RGS8: variants seen among roughly 807,000 people sequenced by gnomAD.
The protein encoded by RGS8 is regulator of G protein signaling 8.
A neutral mutation model predicts 21.7 loss-of-function variants in RGS8; 8 were observed. That is an observed-to-expected ratio of 0.37 (90% confidence interval 0.22 to 0.66). The LOEUF is 0.66. RGS8 is among the 30% of genes least tolerant of loss of function. The pLI is 0.59. For missense variants in RGS8, 157 were observed against 217.9 expected (o/e 0.72, Z 1.76); for synonymous variants, 80 against 83.6 (o/e 0.96, Z 0.24).
the RGS8 span, among the ~76,000 whole-genome samples, chr1:182,712,114 A>G: frequency 6.6e-6 from 1 of 152,214 alleles, no homozygotes; most frequent in East Asian, 1.9e-4. Flanking sequence ...AGTCACACAT[A>G]GTAGGGGGAA....
chr1:182,705,029 A>G, the RGS8 span, among the ~76,000 whole-genome samples: 3,947 of 152,326 alleles, frequency 0.026, 176 homozygotes, highest in African/African-American at 0.087. Flanking sequence ...TATGTGAAAC[A>G]ACATATCATT....
the RGS8 span, among the ~76,000 whole-genome samples, chr1:182,741,698 G>A: frequency 6.9e-5 from 8 of 116,682 alleles, no homozygotes; most frequent in African/African-American, 1.4e-4. Flanking sequence ...CAGTAGGGGC[G>A]GCCGGGCAGA....
the RGS8 span, among the ~76,000 whole-genome samples, chr1:182,700,996 T>C: frequency 9.4e-4 from 143 of 152,358 alleles, 1 homozygote; most frequent in East Asian, 0.022. Flanking sequence ...ATATTATGAA[T>C]CATTGTAACA....
At chr1:182,726,399 G>A in the RGS8 span, among the ~76,000 whole-genome samples, 10 of 152,136 alleles carry the variant, frequency 6.6e-5, no homozygotes, top group Admixed American at 3.3e-4. Flanking sequence ...GGCCAGGTGC[G>A]GTGGCTCACG....
the RGS8 span, among the ~76,000 whole-genome samples, chr1:182,726,741 T>C: frequency 6.6e-6 from 1 of 151,718 alleles, no homozygotes; most frequent in Admixed American, 6.6e-5. Context: ...AACTAGAAAG[T>C]AATGCACTAC....
chr1:182,679,308 A>G (rs2102455280), intron 1 of RGS8, among the ~76,000 whole-genome samples: 1 of 152,068 alleles, frequency 6.6e-6, no homozygotes, highest in Non-Finnish European at 1.5e-5. Context: ...CACAGCCTCC[A>G]TACTGTGAGG....
the RGS8 span, among the ~76,000 whole-genome samples, chr1:182,719,200 C>T: frequency 6.6e-6 from 1 of 152,216 alleles, no homozygotes; most frequent in Non-Finnish European, 1.5e-5. Flanking sequence ...AGTAGCCTTC[C>T]TCCTGGGAAG....
chr1:182,663,892 A>G (rs1663722525), intron 5 of RGS8, among the ~76,000 whole-genome samples: 1 of 151,572 alleles, frequency 6.6e-6, no homozygotes, highest in Non-Finnish European at 1.5e-5. Context: ...GCTGGCCTTG[A>G]ACCCCTGGCC....
At chr1:182,733,944 GGA>G in the RGS8 span, 2 of 151,552 alleles carry the variant, frequency 1.3e-5, no homozygotes, top group East Asian at 3.9e-4. Context: ...TTTTTGAGAT[GGA>G]GTCTCGCTTA....
chr1:182,738,353 T>C, the RGS8 span, among the ~76,000 whole-genome samples: 1 of 152,264 alleles, frequency 6.6e-6, no homozygotes, highest in Admixed American at 6.5e-5. Flanking sequence ...TAATACTTTA[T>C]GACATATGTG....
chr1:182,649,033 G>T (rs1178159991), intron 5 of RGS8, among the ~76,000 whole-genome samples: 1 of 152,142 alleles, frequency 6.6e-6, no homozygotes, highest in Non-Finnish European at 1.5e-5. Context: ...CTGGGGGTCA[G>T]AGGTTGCAGT....
the RGS8 span, among the ~76,000 whole-genome samples, chr1:182,691,622 A>C: frequency 6.6e-6 from 1 of 150,792 alleles, no homozygotes; most frequent in South Asian, 2.1e-4. Context: ...AAAAAAAAAA[A>C]AAAAAAAAAA....
intron 5 of RGS8, among the ~76,000 whole-genome samples, chr1:182,659,063 T>C (rs1663443476): frequency 1.3e-5 from 2 of 152,240 alleles, no homozygotes; most frequent in South Asian, 4.1e-4. Flanking sequence ...ACTTGAAGAT[T>C]GTTAAAGTCT....
At chr1:182,720,913 G>GTATATATACATATATACATATATACATA in the RGS8 span, among the ~76,000 whole-genome samples, 2 of 95,802 alleles carry the variant, frequency 2.1e-5, no homozygotes, top group African/African-American at 9.5e-5. Context: ...ATATGTGTGT[G>GTATATATACATATATACATATATACATA]TATATACATA....
chr1:182,716,672 T>C, the RGS8 span, among the ~76,000 whole-genome samples: 33 of 152,240 alleles, frequency 2.2e-4, no homozygotes, highest in African/African-American at 7.7e-4. Flanking sequence ...ATACTGCTAG[T>C]AAGTTCTGTA....
At chr1:182,724,993 G>A in the RGS8 span, among the ~76,000 whole-genome samples, 1 of 152,208 alleles carries the variant, frequency 6.6e-6, no homozygotes. Flanking sequence ...GTTTTATAAG[G>A]TGGGAATAAG....
At chr1:182,738,921 A>G in the RGS8 span, among the ~76,000 whole-genome samples, 3 of 152,244 alleles carry the variant, frequency 2.0e-5, no homozygotes, top group Admixed American at 6.5e-5. Flanking sequence ...GGTCGATGGT[A>G]AGGACATTGA....
chr1:182,688,621 A>C (rs1383080730), upstream of RGS8, among the ~76,000 whole-genome samples: 3 of 152,202 alleles, frequency 2.0e-5, no homozygotes, highest in African/African-American at 7.2e-5. Context: ...ACTCAATCAA[A>C]TCATATGAGT....
chr1:182,691,607 T>TAAA, the RGS8 span, among the ~76,000 whole-genome samples: 10 of 27,276 alleles, frequency 3.7e-4, no homozygotes, highest in African/African-American at 6.8e-4. Flanking sequence ...CCCTTCATGT[T>TAAA]AAAAAAAAAA....
Sources: allele counts gnomAD v4.1 joint callset (sites outside exome capture counted in the v4.1 genomes callset), GRCh38; gene constraint gnomAD v4.1.1; transcripts MANE v1.5; gene names NCBI Gene and HGNC (gene_info 2026-07-23, HGNC 2026-07-21).